The following VPS13C variants were observed in gnomAD, a reference collection of about 807,000 sequenced individuals.
VPS13C encodes vacuolar protein sorting 13 homolog C, also known as intermembrane lipid transfer protein VPS13C.
A neutral mutation model predicts 456.8 loss-of-function variants in VPS13C; 358 were observed. The ratio of observed to expected loss-of-function variants is 0.78; its 90% CI spans 0.72 to 0.86. The LOEUF is 0.86. Among genes scored for constraint, VPS13C ranks in the 40% least tolerant of loss-of-function variants. The pLI, the probability that VPS13C is intolerant of heterozygous loss-of-function variation, is 0.00. For synonymous variants in VPS13C, 1,578 were observed against 1,486.7 expected (o/e 1.06, Z -1.41); for missense variants, 4,818 against 4,385.4 (o/e 1.10, Z -2.79).
rs1596314147 is a variant in VPS13C, at chr15:61,904,348, G to A, written c.9105+2916C>T. On this transcript the variant is annotated intron_variant, in intron 66 of 84. Coordinates refer to ENST00000644861, the MANE Select transcript of VPS13C (RefSeq NM_020821.3). Reference sequence around the variant, plus strand: ...TTTAAAAACGGGCAAAAGATCTGAAGAGGCATATCTCAAAAGAAGACATAC... The same window carrying A: ...TTTAAAAACGGGCAAAAGATCTGAAAAGGCATATCTCAAAAGAAGACATAC... Among the ~76,000 whole-genome samples, 4 of 150,716 alleles carry A rather than the reference G, an allele frequency of 2.7e-5. No individual in the cohort carries two copies. The Middle Eastern group carries it at 0.01, about 387-fold the overall frequency.
chr15:62,032,596 A>G (rs2047855535), intron 5 of VPS13C, among the ~76,000 whole-genome samples: 1 of 151,856 alleles, frequency 6.6e-6, no homozygotes, highest in Non-Finnish European at 1.5e-5. Context: ...AATTGATTCA[A>G]TTAAATGACA....
At chr15:61,934,140 C>T (rs968554711) in intron 49 of VPS13C, 79 bp downstream of exon 49, 6 of 897,134 alleles carry the variant, frequency 6.7e-6, no homozygotes, top group Non-Finnish European at 9.6e-6. Flanking sequence ...AAAAGTCCCA[C>T]ACAAAAAAAA....
At chr15:61,939,434 G>A (rs1375226949) in intron 47 of VPS13C, among the ~76,000 whole-genome samples, 1 of 152,120 alleles carries the variant, frequency 6.6e-6, no homozygotes, top group Non-Finnish European at 1.5e-5. Context: ...TTCTTCCCTA[G>A]TAAAACTCTG....
At chr15:61,977,950 C>G (rs1435947238) in intron 23 of VPS13C, among the ~76,000 whole-genome samples, 1 of 151,980 alleles carries the variant, frequency 6.6e-6, no homozygotes, top group African/African-American at 2.4e-5. Context: ...AAACTCTGCA[C>G]ATAGAGACTA....
chr15:62,058,881 C>T (rs935259188), intron 1 of VPS13C, among the ~76,000 whole-genome samples: 2 of 151,620 alleles, frequency 1.3e-5, no homozygotes, highest in Admixed American at 6.6e-5. Context: ...CTTGCCACTG[C>T]ACTCCAGCCT....
At chr15:61,904,461 C>T (rs2043097075) in intron 66 of VPS13C, among the ~76,000 whole-genome samples, 1 of 150,466 alleles carries the variant, frequency 6.6e-6, no homozygotes, top group Non-Finnish European at 1.5e-5. Context: ...TATCTCACCC[C>T]AGTTAGAGGC....
intron 30 of VPS13C, 37 bp from the exon 31 acceptor site, chr15:61,964,898 G>C: frequency 6.3e-7 from 1 of 1,579,298 alleles, no homozygotes; most frequent in Non-Finnish European, 8.6e-7. Context: ...GTTTTCCACA[G>C]CCAATTATAA....
intron 1 of VPS13C, among the ~76,000 whole-genome samples, chr15:62,049,462 A>C (rs1211518227): frequency 6.6e-6 from 1 of 152,068 alleles, no homozygotes; most frequent in Non-Finnish European, 1.5e-5. Flanking sequence ...CATTATCTAT[A>C]TCTCTGTTTT....
chr15:61,901,589 A>G (rs527589591), intron 66 of VPS13C, among the ~76,000 whole-genome samples: 17 of 152,222 alleles, frequency 1.1e-4, no homozygotes, highest in African/African-American at 2.9e-4. Flanking sequence ...TTAGAATGGC[A>G]ATCATTAAAA....
Position 62,007,381 on chromosome 15 carries a change from TTGAG to T in VPS13C, c.1213_1216del (p.Leu405ArgfsTer11). On this transcript the variant is annotated frameshift_variant, in exon 15 of 85. Coordinates refer to ENST00000644861, the MANE Select transcript of VPS13C (RefSeq NM_020821.3). LOFTEE classifies it high-confidence loss of function. Reference sequence around the variant, plus strand: ...GTTTTTGTAGGCAATTTTATAACTCTTGAGTAACTGCCTGTGCTTTTTTATGTTA... The same window carrying T: ...GTTTTTGTAGGCAATTTTATAACTCTTAACTGCCTGTGCTTTTTTATGTTA... 6.2e-7 allele frequency: 1 copy of T among 1,613,286 alleles called. No individual in the cohort carries two copies. Among genetic ancestry groups the T allele is most frequent in the Non-Finnish European group, 8.5e-7 (1 of 1,179,636 alleles).
Position 62,034,832 on chromosome 15 carries a change from A to C in VPS13C, c.283+125T>G, listed in dbSNP as rs12904309. Reference sequence around the variant, plus strand: ...TAAAAGTATGCATATAAGTGCATCTATGTATGATTCATTTATTTAAATTAC... The same window carrying C: ...TAAAAGTATGCATATAAGTGCATCTCTGTATGATTCATTTATTTAAATTAC... On this transcript the variant is annotated intron_variant, in intron 4 of 84. Coordinates refer to ENST00000644861, the MANE Select transcript of VPS13C (RefSeq NM_020821.3). 2.8e-5 allele frequency: 16 copies of C among 580,326 alleles called. No individual in the cohort carries two copies. In the East Asian group the frequency reaches 4.8e-4, roughly 17 times the overall value. The allele number at this position is 580,326 out of a possible 1,614,324, so 35.9% of individuals were successfully genotyped here.
intron 82 of VPS13C, among the ~76,000 whole-genome samples, 161 bp downstream of exon 82, chr15:61,863,279 A>T (rs1002310151): frequency 6.6e-6 from 1 of 152,170 alleles, no homozygotes; most frequent in African/African-American, 2.4e-5. Context: ...CAAAGGACCT[A>T]TTTAGATCTG....
intron 13 of VPS13C, among the ~76,000 whole-genome samples, chr15:62,009,453 T>A (rs2046971198): frequency 6.6e-6 from 1 of 152,186 alleles, no homozygotes; most frequent in Non-Finnish European, 1.5e-5. Flanking sequence ...ATGCGGCTGT[T>A]TATCACTTGA....
At chr15:62,038,971 G>A (rs1191817428) in intron 3 of VPS13C, among the ~76,000 whole-genome samples, 2 of 152,178 alleles carry the variant, frequency 1.3e-5, no homozygotes, top group Admixed American at 6.5e-5. Flanking sequence ...CATGGATACA[G>A]AGGAGAGGGA....
chr15:61,864,778 T>C (rs1894427806), intron 81 of VPS13C: 1 of 985,394 alleles, frequency 1.0e-6, no homozygotes, highest in Non-Finnish European at 1.2e-6. Flanking sequence ...ACAATTCACT[T>C]GTGCGAATTA....
At chr15:61,961,348 C>T (rs1259326692) in intron 35 of VPS13C, among the ~76,000 whole-genome samples, 2 of 150,832 alleles carry the variant, frequency 1.3e-5, no homozygotes, top group Admixed American at 1.3e-4. Flanking sequence ...GCCGAGATCA[C>T]GCCACTGCAC....
chr15:61,955,493 C>T (rs756350796), intron 37 of VPS13C, among the ~76,000 whole-genome samples: 45 of 152,168 alleles, frequency 3.0e-4, no homozygotes, highest in Non-Finnish European at 5.0e-4. Context: ...GTGTAAGCTA[C>T]ACCAGAATTC....
chr15:61,922,095 C>T (rs1596334118), intron 54 of VPS13C, 62 bp from the exon 55 acceptor site: 1 of 1,520,098 alleles, frequency 6.6e-7, no homozygotes. Flanking sequence ...ATTTCTGTAA[C>T]CAATAGGGAA....
At chr15:62,046,574 G>C (rs1194905140) in intron 1 of VPS13C, among the ~76,000 whole-genome samples, 1 of 152,170 alleles carries the variant, frequency 6.6e-6, no homozygotes, top group East Asian at 1.9e-4. Context: ...CCCACATGCA[G>C]ACTTTCAACC....
Sources: gnomAD v4.1 joint callset for allele counts (sites outside exome capture counted in the v4.1 genomes callset) on GRCh38, gnomAD v4.1.1 for gene constraint, MANE v1.5 for transcripts, NCBI Gene and HGNC (gene_info 2026-07-23, HGNC 2026-07-21) for gene names.